The following SLF2 variants were observed in gnomAD, a reference collection of about 807,000 sequenced individuals.
SLF2 encodes SMC5-SMC6 complex localization factor protein 2.
A neutral mutation model predicts 124.3 loss-of-function variants in SLF2; 68 were observed. That is an observed-to-expected ratio of 0.55 (90% CI 0.45 to 0.67). SLF2 has a LOEUF of 0.67. Among genes scored for constraint, SLF2 ranks in the 30% least tolerant of loss-of-function variants. The pLI, the probability that SLF2 is intolerant of heterozygous loss-of-function variation, is 0.00. For synonymous variants in SLF2, 480 were observed against 478.8 expected, an observed-to-expected ratio of 1.00 and a Z score of -0.03; for missense variants, 1,246 against 1,373.7, an observed-to-expected ratio of 0.91 and a Z score of 1.47.
chr10:100,924,826 G>A lies in SLF2; in HGVS notation c.1825G>A (p.Gly609Ser). 2 of 1,614,148 alleles carry A rather than the reference G, an allele frequency of 1.2e-6. No individual in the cohort carries two copies. The highest frequency in any genetic ancestry group is 1.6e-4 in the Middle Eastern group (1 of 6,062). ...GDFDSDEESL[G>S]YNLDSDEEEE... Reference sequence around the variant, plus strand: ...TTTTGATAGTGATGAAGAAAGTTTAGGTTACAACCTAGACAGTGATGAGGA... The same window carrying A: ...TTTTGATAGTGATGAAGAAAGTTTAAGTTACAACCTAGACAGTGATGAGGA... Residue 609 changes from glycine to serine, a missense_variant, in exon 5 of 20, where the codon GGT (glycine) becomes AGT (serine). By Grantham distance (56) the Gly-to-Ser change is moderately conservative. This residue lies in a region of SLF2 where 13 missense variants were observed against 32.0 expected (regional missense o/e 0.41). Transcript: ENST00000238961.
intron 9 of SLF2, among the ~76,000 whole-genome samples, chr10:100,931,460 A>G (rs182008642): frequency 1.4e-3 from 213 of 151,800 alleles, no homozygotes; most frequent in African/African-American, 5.0e-3. Flanking sequence ...CCCCATTCGT[A>G]TATATGGTTT....
At chr10:100,955,703 T>C (rs1850316792) in intron 17 of SLF2, among the ~76,000 whole-genome samples, 1 of 151,934 alleles carries the variant, frequency 6.6e-6, no homozygotes, top group South Asian at 2.1e-4. Context: ...AGGTTAGGAG[T>C]TTGAGACTAG....
chr10:100,951,652 A>G (rs1006465122), intron 17 of SLF2, among the ~76,000 whole-genome samples: 5 of 152,216 alleles, frequency 3.3e-5, no homozygotes, highest in Admixed American at 1.3e-4. Flanking sequence ...CCAGTTACAC[A>G]TTCTTCTTAG....
intron 9 of SLF2, among the ~76,000 whole-genome samples, chr10:100,934,675 C>T (rs1040085045): frequency 7.2e-5 from 11 of 151,764 alleles, no homozygotes; most frequent in Admixed American, 3.9e-4. Context: ...TGCAGTGGCA[C>T]GATCTCTTCT....
At chr10:100,913,316 G>C (rs1183981093) in intron 1 of SLF2, 66 bp downstream of exon 1, 1 of 1,385,824 alleles carries the variant, frequency 7.2e-7, no homozygotes, top group Non-Finnish European at 9.4e-7. Context: ...GAGGGCTGCA[G>C]ACCGCCGCTC....
At chr10:100,935,133 T>A (rs908295807) in intron 9 of SLF2, among the ~76,000 whole-genome samples, 8 of 152,094 alleles carry the variant, frequency 5.3e-5, no homozygotes, top group Non-Finnish European at 8.8e-5. Context: ...TGATGGCTCA[T>A]GCCTGTAATC....
intron 8 of SLF2, 29 bp downstream of exon 8, chr10:100,930,026 T>C (rs1372072032): frequency 1.4e-6 from 2 of 1,404,352 alleles, no homozygotes; most frequent in Non-Finnish European, 9.6e-7. Context: ...ATTTTACTTT[T>C]ATATGTATAA....
At position 100,917,090 on chromosome 10, in the gene SLF2, A is replaced by G. The variant is rs562339204; in HGVS notation, c.705A>G (p.Lys235=). 2.5e-6 allele frequency: 4 copies of G among 1,614,202 alleles called. No individual in the cohort carries two copies. The South Asian group carries it at 4.4e-5, about 18-fold the overall frequency. ...HHPEESPLGA[K]FQLSLASYCR... ...CGGAAGAAAGCCCACTGGGAGCTAA[A>G]TTCCAGTTGTCACTAGCTTCTTACT... The change falls in exon 3 of 20, where the codon AAA becomes AAG. Residue 235 remains lysine, a synonymous_variant. Coordinates refer to ENST00000238961, the MANE Select transcript of SLF2 (RefSeq NM_018121.4).
chr10:100,933,000 C>T (rs1849775737), intron 9 of SLF2, among the ~76,000 whole-genome samples: 1 of 152,124 alleles, frequency 6.6e-6, no homozygotes, highest in Non-Finnish European at 1.5e-5. Flanking sequence ...TTCAGTGAGA[C>T]TCTTGCCCAT....
chr10:100,923,009 C>G (rs769937039), intron 4 of SLF2, among the ~76,000 whole-genome samples: 4 of 152,080 alleles, frequency 2.6e-5, no homozygotes, highest in Non-Finnish European at 4.4e-5. Context: ...CTCCTGACCT[C>G]AAGTGATCTG....
At chr10:100,953,696 A>G (rs1267588205) in intron 17 of SLF2, among the ~76,000 whole-genome samples, 1 of 151,994 alleles carries the variant, frequency 6.6e-6, no homozygotes, top group African/African-American at 2.4e-5. Flanking sequence ...TCTGTCACCC[A>G]GGCTGAAGTG....
At chr10:100,921,113 G>C (rs555579404) in intron 4 of SLF2, among the ~76,000 whole-genome samples, 2 of 152,284 alleles carry the variant, frequency 1.3e-5, no homozygotes, top group East Asian at 3.9e-4. Context: ...TTAGCCCTTT[G>C]GTCTTCTAGA....
Position 100,947,110 on chromosome 10 carries a change from G to C in SLF2, c.3006G>C (p.Leu1002=). Residue 1002 remains leucine, a synonymous_variant, in exon 14 of 20, where the codon CTG becomes CTC. Coordinates refer to ENST00000238961, the MANE Select transcript of SLF2 (RefSeq NM_018121.4). ...ACAACCTCCTGTGGTTGGTACAGCT[G>C]GTCCCTAATTGGACATCACGTGGAA... ...HPHNLLWLVQ[L]VPNWTSRGRQ... 1.3e-6 allele frequency: 2 copies of C among 1,588,522 alleles called. No homozygotes were observed. Among genetic ancestry groups the C allele is most frequent in the East Asian group, 2.3e-5 (1 of 43,938 alleles).
chr10:100,953,898 C>T (rs965114892), intron 17 of SLF2, among the ~76,000 whole-genome samples: 3 of 151,926 alleles, frequency 2.0e-5, no homozygotes, highest in African/African-American at 7.2e-5. Flanking sequence ...GTGATCCACC[C>T]GCCTCAGCCT....
intron 19 of SLF2, among the ~76,000 whole-genome samples, chr10:100,961,513 T>G (rs1254783809): frequency 6.6e-6 from 1 of 152,232 alleles, no homozygotes; most frequent in Non-Finnish European, 1.5e-5. Context: ...TTGTATTTGT[T>G]TCTAACCTTA....
At chr10:100,939,473 T>G (rs1849926405) in intron 11 of SLF2, among the ~76,000 whole-genome samples, 1 of 151,252 alleles carries the variant, frequency 6.6e-6, no homozygotes, top group Non-Finnish European at 1.5e-5. Context: ...AGGTCAGGAG[T>G]TTGAGACCAG....
At chr10:100,915,037 C>T (rs1469617482) in intron 1 of SLF2, among the ~76,000 whole-genome samples, 1 of 152,188 alleles carries the variant, frequency 6.6e-6, no homozygotes, top group East Asian at 1.9e-4. Flanking sequence ...CAGCTGACAA[C>T]TCTACAGTGA....
Position 100,956,549 on chromosome 10 carries a change from C to CTTTCTTTT in SLF2, c.3417+24_3417+31dup. 1 of 1,548,672 alleles carries CTTTCTTTT rather than the reference C, an allele frequency of 6.5e-7. No individual in the cohort carries two copies. Among genetic ancestry groups the CTTTCTTTT allele is most frequent in the Non-Finnish European group, 8.7e-7 (1 of 1,144,134 alleles). On this transcript the variant is annotated intron_variant, in intron 18 of 19. Transcript: ENST00000238961. ...TTTACAGAACTAAGGTAAGTGTGTT[C>CTTTCTTTT]TTTCTTTTTTTCTTTTTTTTTTTCT...
intron 15 of SLF2, among the ~76,000 whole-genome samples, chr10:100,949,252 A>G (rs945639514): frequency 6.6e-6 from 1 of 152,242 alleles, no homozygotes; most frequent in Non-Finnish European, 1.5e-5. Flanking sequence ...TACTGCCTTC[A>G]AAAGAGATCC....
Sources: allele counts gnomAD v4.1 joint callset (sites outside exome capture counted in the v4.1 genomes callset), GRCh38; gene constraint gnomAD v4.1.1; regional missense constraint gnomAD v4.1.1; transcripts MANE v1.5; gene names NCBI Gene and HGNC (gene_info 2026-07-23, HGNC 2026-07-21).